Variants in SYNGR4 observed in about 807,000 individuals in gnomAD.
SYNGR4 encodes the protein synaptogyrin-4.
A neutral mutation model predicts 15.5 loss-of-function variants in SYNGR4; 15 were observed. The observed-to-expected ratio is 0.97, with a 90% CI of 0.65 to 1.49. The LOEUF is 1.49. Ranked by LOEUF, SYNGR4 falls within the 40% of genes most tolerant of loss-of-function variation. The pLI, the probability that SYNGR4 is intolerant of heterozygous loss-of-function variation, is 0.00. For synonymous variants in SYNGR4, 121 were observed against 127.4 expected, an observed-to-expected ratio of 0.95 and a Z score of 0.34; for missense variants, 292 against 299.3, an observed-to-expected ratio of 0.98 and a Z score of 0.18.
At chr19:48,370,971 C>T (rs914558568) in intron 2 of SYNGR4, among the ~76,000 whole-genome samples, 44 of 152,288 alleles carry the variant, frequency 2.9e-4, no homozygotes, top group African/African-American at 1.0e-3. Context: ...GCTTCTCTAA[C>T]CCCAAGGCTG....
intron 2 of SYNGR4, among the ~76,000 whole-genome samples, chr19:48,367,788 C>T (rs959160395): frequency 6.6e-6 from 1 of 152,200 alleles, no homozygotes; most frequent in Non-Finnish European, 1.5e-5. Flanking sequence ...GCTGTGTGAT[C>T]TTGAACCAAT....
In SYNGR4 at chr19:48,373,644, T is replaced by C; in HGVS notation, c.221T>C (p.Phe74Ser). 6.2e-7 allele frequency: 1 copy of C among 1,613,856 alleles called. No individual in the cohort carries two copies. The highest frequency in any genetic ancestry group is 8.5e-7 in the Non-Finnish European group (1 of 1,180,018). ...TGCAGCTTTGCCGTGGGAGCCGGCT[T>C]CCTGGCCTTCCTCAGCTGCCTGGCC... is the stretch of plus-strand genomic sequence containing the variant. ...VACSFAVGAG[F>S]LAFLSCLAFL... is the part of the protein sequence containing the mutation. Residue 74 changes from phenylalanine (F) to serine (S), a missense_variant, in exon 3 of 5, where the codon TTC (phenylalanine) becomes TCC (serine). Phe to Ser is a radical substitution (Grantham distance 155). Transcript: ENST00000344846.
At chr19:48,373,262 G>A (rs1252274233) in intron 2 of SYNGR4, 1 of 516,532 alleles carries the variant, frequency 1.9e-6, no homozygotes, top group Non-Finnish European at 3.5e-6. Context: ...TGCTGAGGTG[G>A]GGAAGACTGG....
intron 2 of SYNGR4, among the ~76,000 whole-genome samples, chr19:48,371,919 G>A (rs968972299): frequency 2.7e-5 from 4 of 150,112 alleles, no homozygotes; most frequent in Admixed American, 2.0e-4. Flanking sequence ...TTGCTCTCTC[G>A]CCTCGGCTGG....
intron 2 of SYNGR4, among the ~76,000 whole-genome samples, chr19:48,367,249 G>A (rs145542034): frequency 1.0e-3 from 156 of 151,986 alleles, no homozygotes; most frequent in African/African-American, 3.7e-3. Context: ...TGGCTAACAC[G>A]GTGAAACCCC....
intron 3 of SYNGR4, 71 bp downstream of exon 3, chr19:48,373,825 C>G (rs1186191803): frequency 3.0e-5 from 44 of 1,490,276 alleles, no homozygotes; most frequent in Admixed American, 5.0e-5. Flanking sequence ...TCCCCAGGGC[C>G]TCCCGGGCAC....
intron 2 of SYNGR4, among the ~76,000 whole-genome samples, chr19:48,372,139 C>T: frequency 6.6e-6 from 1 of 152,104 alleles, no homozygotes. Flanking sequence ...CCCATCTCAA[C>T]CTCCCAAAGT....
At chr19:48,367,129 C>CAA (rs757577850) in intron 2 of SYNGR4, among the ~76,000 whole-genome samples, 919 of 87,068 alleles carry the variant, frequency 0.011, 12 homozygotes, top group African/African-American at 0.038. Context: ...GACTCTGTCT[C>CAA]AAAAAAAAAA....
rs141177966 is a variant in SYNGR4 at position 48,365,791 on chromosome 19, G to A, written c.-52G>A. 84 of 1,597,974 alleles carry A rather than the reference G, an allele frequency of 5.3e-5. No homozygotes were observed. In the East Asian group the frequency reaches 9.2e-4, roughly 18 times the overall value. ...CGGACGGCAGTGCCCAGCAGGCAGCGCCCAGCACCCTGGCTCCCACCTCCC... is the reference window on the plus strand; with the variant it reads ...CGGACGGCAGTGCCCAGCAGGCAGCACCCAGCACCCTGGCTCCCACCTCCC... On this transcript the variant is annotated 5_prime_UTR_variant, in exon 2 of 5. Transcript: ENST00000344846.
At chr19:48,372,140 C>T (rs557206695) in intron 2 of SYNGR4, among the ~76,000 whole-genome samples, 1 of 152,226 alleles carries the variant, frequency 6.6e-6, no homozygotes, top group Admixed American at 6.5e-5. Flanking sequence ...CCATCTCAAC[C>T]TCCCAAAGTG....
At chr19:48,367,160 C>T (rs575152776) in intron 2 of SYNGR4, among the ~76,000 whole-genome samples, 212 of 150,196 alleles carry the variant, frequency 1.4e-3, no homozygotes, top group African/African-American at 5.0e-3. Context: ...TGGCTGGGCA[C>T]GGTGGCTCAC....
chr19:48,374,944 C>A (rs1448754626), intron 3 of SYNGR4, among the ~76,000 whole-genome samples: 2 of 149,806 alleles, frequency 1.3e-5, no homozygotes, highest in Non-Finnish European at 3.0e-5. Flanking sequence ...CCATGGCACC[C>A]CAGCCTCGGC....
chr19:48,365,642 C>CA, intron 1 of SYNGR4, 94 bp from the exon 2 acceptor site: 1 of 326,820 alleles, frequency 3.1e-6, no homozygotes, highest in Admixed American at 4.2e-5. Flanking sequence ...GGGACCCCCC[C>CA]CATCCCCACC....
chr19:48,364,748 C>T (rs1171492597), intron 1 of SYNGR4, among the ~76,000 whole-genome samples: 3 of 152,038 alleles, frequency 2.0e-5, no homozygotes, highest in Admixed American at 1.3e-4. Context: ...CACCCCCAAA[C>T]CTGAAAGGGA....
chr19:48,376,339 A>C lies in SYNGR4; in HGVS notation c.*21A>C. 6.2e-7 allele frequency: 1 copy of C among 1,610,870 alleles called. No homozygotes were observed. Among genetic ancestry groups the C allele is most frequent in the Non-Finnish European group, 8.5e-7 (1 of 1,178,956 alleles). ...ACTAAATATCCTTATCCAAATCAAT[A>C]AAGAGAGAATCCTCCCTCCAGAAGG... is the stretch of plus-strand genomic sequence containing the variant. On this transcript the variant is annotated 3_prime_UTR_variant, in exon 5 of 5. Transcript: ENST00000344846.
At chr19:48,371,924 G>A (rs536734522) in intron 2 of SYNGR4, among the ~76,000 whole-genome samples, 22 of 151,558 alleles carry the variant, frequency 1.5e-4, no homozygotes, top group African/African-American at 5.1e-4. Flanking sequence ...CTCTCGCCTC[G>A]GCTGGAGTGC....
At chr19:48,375,567 G>C in intron 3 of SYNGR4, 46 bp from the exon 4 acceptor site, 1 of 1,586,492 alleles carries the variant, frequency 6.3e-7, no homozygotes, top group African/African-American at 1.3e-5. Context: ...AGCCCTGCCT[G>C]AGTGAGCTTT....
chr19:48,370,206 C>T (rs1420380555), intron 2 of SYNGR4, among the ~76,000 whole-genome samples: 3 of 152,180 alleles, frequency 2.0e-5, no homozygotes, highest in Admixed American at 1.3e-4. Flanking sequence ...AGAGCAGGGG[C>T]CCGGCAAGGT....
intron 2 of SYNGR4, among the ~76,000 whole-genome samples, chr19:48,367,462 G>A (rs975306730): frequency 6.6e-5 from 10 of 151,990 alleles, no homozygotes; most frequent in African/African-American, 2.4e-4. Context: ...GCAGATATGG[G>A]ACATTTTCAT....
Sources: gnomAD v4.1 joint callset for allele counts (sites outside exome capture counted in the v4.1 genomes callset) on GRCh38, gnomAD v4.1.1 for gene constraint, MANE v1.5 for transcripts, NCBI Gene and HGNC (gene_info 2026-07-23, HGNC 2026-07-21) for gene names.